The following CYTH2 variants were observed in gnomAD, a reference collection of about 807,000 sequenced individuals.
CYTH2 encodes cytohesin 2.
In CYTH2, 24 loss-of-function variants were observed where a neutral mutation model predicts 55.4. The observed-to-expected ratio is 0.43, with a 90% CI of 0.31 to 0.61. The LOEUF (loss-of-function observed/expected upper bound fraction) is 0.61. CYTH2 is among the 20% of genes least tolerant of loss of function. The probability of loss-of-function intolerance (pLI) is 0.08; values close to 1 mark genes in which losing one functional copy is unlikely to be tolerated. For missense variants in CYTH2, 378 were observed against 533.5 expected (o/e 0.71, Z 2.87); for synonymous variants, 221 against 209.6 (o/e 1.05, Z -0.47).
chr19:48,474,766 C>A lies in CYTH2; in HGVS notation c.697-72C>A, dbSNP rs1411066541. 4 of 1,351,590 alleles carry A rather than the reference C, an allele frequency of 3.0e-6. No individual in the cohort carries two copies. Among genetic ancestry groups the A allele is most frequent in the Non-Finnish European group, 3.2e-6 (3 of 946,454 alleles). The allele number at this position is 1,351,590 out of a possible 1,614,324, so 83.7% of individuals were successfully genotyped here. ...ATGAGTCATCCCATCCCTGGTCTCG[C>A]TGCCCCCCACCCTGAGTAACCCTGG... On this transcript the variant is annotated intron_variant, in intron 7 of 11. Transcript: ENST00000452733. The surrounding 1 kb of genome is among the most constrained non-coding windows in gnomAD (Gnocchi z 4.9).
Position 48,474,110 on chromosome 19 carries a change from C to T in CYTH2, c.548-72C>T, listed in dbSNP as rs1367388040. On this transcript the variant is annotated intron_variant, in intron 6 of 11. Transcript: ENST00000452733. This position sits in a 1 kb window ranked among gnomAD's most constrained non-coding sequence, Gnocchi z 4.9. ...GGGAGGGGGCTGGGAGCTGGGAATC[C>T]TGGGTCCTGGGGAATGGGGGCACTG... The T allele has an allele frequency of 3.2e-6, 5 of 1,548,232 alleles. No individual in the cohort carries two copies. The highest frequency in any genetic ancestry group is 3.5e-6 in the Non-Finnish European group (4 of 1,147,382).
Position 48,479,882 on chromosome 19 carries a change from G to A in CYTH2, c.*672G>A, listed in dbSNP as rs371763637. 88 of 149,036 alleles carry A rather than the reference G, an allele frequency of 5.9e-4. No homozygotes were observed. The highest frequency in any genetic ancestry group is 2.1e-3 in the African/African-American group (85 of 40,964). The allele number at this position is 149,036 out of a possible 1,614,324, so 9.2% of individuals were successfully genotyped here. A position where few individuals can be genotyped will look rare whatever the true frequency, so the allele number is the denominator to read the frequency against. On this transcript the variant is annotated 3_prime_UTR_variant, in exon 12 of 12. Coordinates refer to ENST00000452733, the MANE Select transcript of CYTH2 (RefSeq NM_004228.7). Reference sequence around the variant, plus strand: ...CATGTCCTGCAAGGGCCTTGCTGATGGGATGTCCTGAAGGGCTGGGCAGCC... The same window carrying A: ...CATGTCCTGCAAGGGCCTTGCTGATAGGATGTCCTGAAGGGCTGGGCAGCC...
rs1971733221 is a variant in CYTH2, at chr19:48,469,369, AGCGCTGAGGACTG to A, written c.-128_-116del. On this transcript the variant is annotated 5_prime_UTR_variant, in exon 1 of 12. Transcript: ENST00000452733. The stretch of plus-strand genomic sequence containing the variant: ...GGGCGACGAAGGGAAGAGTCTTTTC[AGCGCTGAGGACTG>A]GCGCTGAGGAGGCGGCGGTGGCTCC... 3.0e-6 allele frequency: 3 copies of A among 1,002,914 alleles called. No individual in the cohort carries two copies. Among genetic ancestry groups the A allele is most frequent in the Non-Finnish European group, 3.9e-6 (3 of 764,694 alleles). The allele number at this position is 1,002,914 out of a possible 1,614,324, so 62.1% of individuals were successfully genotyped here. A position where few individuals can be genotyped will look rare whatever the true frequency, so the allele number is the denominator to read the frequency against.
At position 48,470,313 on chromosome 19, in the gene CYTH2, C is replaced by T. The variant is rs755432427; in HGVS notation, c.20-40C>T. Reference sequence around the variant, plus strand: ...AGATTGCAGGAATTCAGGCTCACGGCCCCTAGCACTGACTTTTAAACCTTG... The same window carrying T: ...AGATTGCAGGAATTCAGGCTCACGGTCCCTAGCACTGACTTTTAAACCTTG... On this transcript the variant is annotated intron_variant, in intron 1 of 11. Transcript: ENST00000452733. The T allele has an allele frequency of 9.0e-6, 14 of 1,560,572 alleles. No homozygotes were observed. In the South Asian group the frequency reaches 9.4e-5, roughly 11 times the overall value.
At chr19:48,469,668 C>G (rs1971742880) in intron 1 of CYTH2, 142 bp downstream of exon 1, 8 of 1,278,796 alleles carry the variant, frequency 6.3e-6, no homozygotes, top group Non-Finnish European at 8.3e-6. Flanking sequence ...TTTTGTTGGG[C>G]GCTGGACGGG....
Position 48,479,529 on chromosome 19 carries a change from C to A in CYTH2, c.*319C>A. 1 of 347,422 alleles carries A rather than the reference C, an allele frequency of 2.9e-6. No individual in the cohort carries two copies. 21.5% of individuals were successfully genotyped at this position (347,422 alleles called of 1,614,324 possible). Reference sequence around the variant, plus strand: ...CCGGTGGGTCTGTTCTGGTTTCACCCCGAGCCCAGCAGGAGTGGAGTAAAG... The same window carrying A: ...CCGGTGGGTCTGTTCTGGTTTCACCACGAGCCCAGCAGGAGTGGAGTAAAG... On this transcript the variant is annotated 3_prime_UTR_variant, in exon 12 of 12. Transcript: ENST00000452733.
intron 1 of CYTH2, 176 bp downstream of exon 1, chr19:48,469,702 G>A: frequency 9.9e-7 from 1 of 1,008,334 alleles, no homozygotes; most frequent in Non-Finnish European, 1.4e-6. Context: ...CCGAAAGCCG[G>A]GCGTTCCAGG....
Position 48,478,308 on chromosome 19 carries a change from A to G in CYTH2, c.919A>G (p.Asn307Asp). The change falls in exon 10 of 12, where the codon AAT (asparagine) becomes GAT (aspartate). Residue 307 changes from asparagine (N) to aspartate (D), a missense_variant. By Grantham distance (23) the Asn-to-Asp change is conservative (BLOSUM62 1). Transcript: ENST00000452733. ...KEPRGIIPLENLSIREVDDPR... is the reference protein window; with the variant it reads ...KEPRGIIPLEDLSIREVDDPR... ...GCCCCGAGGAATCATCCCCCTGGAG[A>G]ATCTGAGCATCCGAGAGGTGGACGA... The G allele has an allele frequency of 6.2e-7, 1 of 1,613,816 alleles. No homozygotes were observed. Among genetic ancestry groups the G allele is most frequent in the Non-Finnish European group, 8.5e-7 (1 of 1,179,958 alleles).
rs1971963614 is a variant in CYTH2 at position 48,478,339 on chromosome 19, G to A, written c.950G>A (p.Arg317Gln). The part of the protein sequence containing the change: ...NLSIREVDDP[R>Q]KPNCFELYIP... ...AGCATCCGAGAGGTGGACGACCCCC[G>A]GAAACCGGTAAGACCCTCTCTGTAC... The change falls in exon 10 of 12, where the codon CGG becomes CAG. Residue 317 changes from arginine to glutamine, a missense_variant. Coordinates refer to ENST00000452733, the MANE Select transcript of CYTH2 (RefSeq NM_004228.7). The A allele has an allele frequency of 3.1e-6, 5 of 1,614,086 alleles. No individual in the cohort carries two copies. Among genetic ancestry groups the A allele is most frequent in the Non-Finnish European group, 4.2e-6 (5 of 1,180,008 alleles).
Position 48,473,896 on chromosome 19 carries a change from C to T in CYTH2, c.435-9C>T. ...CCTGGCATCCATTCCTGGCCCCTCC[C>T]CAACCCAGGCAGTTTCTATGGAGCT... is the stretch of plus-strand genomic sequence containing the variant. On this transcript the variant is annotated splice_polypyrimidine_tract_variant and intron_variant, in intron 5 of 11. Transcript: ENST00000452733. The T allele has an allele frequency of 6.3e-7, 1 of 1,595,426 alleles. No homozygotes were observed. Among genetic ancestry groups the T allele is most frequent in the Non-Finnish European group, 8.5e-7 (1 of 1,170,936 alleles).
chr19:48,473,165 G>A, intron 4 of CYTH2, 133 bp from the exon 5 acceptor site: 1 of 906,586 alleles, frequency 1.1e-6, no homozygotes, highest in South Asian at 1.5e-5. Context: ...TGGGAGTCCA[G>A]CAGGAAACTT....
chr19:48,470,355 C>T lies in CYTH2; in HGVS notation c.22C>T (p.Pro8Ser), dbSNP rs1400001090. The T allele has an allele frequency of 6.2e-7, 1 of 1,607,876 alleles. No homozygotes were observed. The highest frequency in any genetic ancestry group is 1.7e-5 in the Admixed American group (1 of 59,176). Residue 8 changes from proline to serine, a missense_variant and splice_region_variant, in exon 2 of 12, where the codon CCC becomes TCC. Pro to Ser is a moderately conservative substitution (Grantham distance 74). Coordinates refer to ENST00000452733, the MANE Select transcript of CYTH2 (RefSeq NM_004228.7). MEDGVYEPPDLTPEERME... is the reference protein window; with the variant it reads MEDGVYESPDLTPEERME... The stretch of plus-strand genomic sequence containing the variant: ...TAAACCTTGACCCCGATCCCTAGAA[C>T]CCCCAGACCTGACTCCGGAGGAGCG...
At chr19:48,476,079 A>G in intron 8 of CYTH2, 1 of 510,490 alleles carries the variant, frequency 2.0e-6, no homozygotes, top group East Asian at 5.7e-5. Context: ...CCCCATGTGG[A>G]ACTGTGCTCT....
At chr19:48,470,146 A>G (rs1296642863) in intron 1 of CYTH2, 3 of 835,102 alleles carry the variant, frequency 3.6e-6, no homozygotes, top group Non-Finnish European at 6.0e-6. Flanking sequence ...TCCGGGCCCC[A>G]ATTCCCCTTG....
intron 5 of CYTH2, chr19:48,473,606 C>T (rs1462222358): frequency 5.0e-6 from 3 of 603,472 alleles, no homozygotes; most frequent in Admixed American, 5.8e-5. Flanking sequence ...TTCTTTGCCT[C>T]TTGTATTTGC....
chr19:48,471,852 C>T (rs1374180255), intron 3 of CYTH2, among the ~76,000 whole-genome samples: 2 of 152,138 alleles, frequency 1.3e-5, no homozygotes, highest in East Asian at 1.9e-4. Context: ...GAATTTGAGA[C>T]CAGCCTGGGC....
In CYTH2 at chr19:48,474,161, C is replaced by T. The variant is rs1284832913; in HGVS notation, c.548-21C>T. 6.4e-7 allele frequency: 1 copy of T among 1,570,140 alleles called. No homozygotes were observed. Among genetic ancestry groups the T allele is most frequent in the African/African-American group, 1.4e-5 (1 of 73,906 alleles). ...GGGACTGACATGCCTGGGTCGTCAC[C>T]ACCTGCCCTGTCCGGTGCAGACACG... On this transcript the variant is annotated intron_variant, in intron 6 of 11. Transcript: ENST00000452733. This position sits in a 1 kb window ranked among gnomAD's most constrained non-coding sequence, Gnocchi z 4.9.
At position 48,474,977 on chromosome 19, in the gene CYTH2, C is replaced by G. The variant is rs1376230576; in HGVS notation, c.808+28C>G. The G allele has an allele frequency of 1.2e-6, 2 of 1,601,572 alleles. No individual in the cohort carries two copies. The highest frequency in any genetic ancestry group is 1.7e-5 in the Admixed American group (1 of 58,422). ...ACGTGCCCTCCCGACCCCGCTGGTC[C>G]CTCCGCAGGAGGACATTTGTGGGCC... On this transcript the variant is annotated intron_variant, in intron 8 of 11. Coordinates refer to ENST00000452733, the MANE Select transcript of CYTH2 (RefSeq NM_004228.7). This position sits in a 1 kb window ranked among gnomAD's most constrained non-coding sequence, Gnocchi z 4.9.
In CYTH2 at chr19:48,469,610, G is replaced by C. The variant is rs529715218; in HGVS notation, c.19+84G>C. 24 of 1,313,572 alleles carry C rather than the reference G, an allele frequency of 1.8e-5. No individual in the cohort carries two copies. In the African/African-American group the frequency reaches 3.2e-4, roughly 18 times the overall value. The allele number at this position is 1,313,572 out of a possible 1,614,324, so 81.4% of individuals were successfully genotyped here. On this transcript the variant is annotated intron_variant, in intron 1 of 11. Transcript: ENST00000452733. ...TCCGCCGCGAACGTTTCCCCCTGGC[G>C]CGCGGCGCCCAGAAGCGTTCGGCTC... is the stretch of plus-strand genomic sequence containing the variant.
Sources: allele counts gnomAD v4.1 joint callset (sites outside exome capture counted in the v4.1 genomes callset), GRCh38; gene constraint gnomAD v4.1.1; non-coding constraint Gnocchi (gnomAD v3.1); transcripts MANE v1.5; gene names NCBI Gene and HGNC (gene_info 2026-07-23, HGNC 2026-07-21).